INPP4B: variants seen among roughly 807,000 people sequenced by gnomAD.
INPP4B encodes inositol polyphosphate-4-phosphatase type II B.
Under a neutral mutation model 122.5 loss-of-function variants are expected in INPP4B, and 55 were observed. The ratio of observed to expected loss-of-function variants is 0.45; its 90% CI spans 0.36 to 0.56. The LOEUF is 0.56. Ranked by LOEUF, INPP4B falls within the 20% of genes least tolerant of loss-of-function variation. The probability of loss-of-function intolerance (pLI) is 0.00; values close to 1 mark genes in which losing one functional copy is unlikely to be tolerated. For synonymous variants in INPP4B, 403 were observed against 388.7 expected, an observed-to-expected ratio of 1.04 and a Z score of -0.43; for missense variants, 1,000 against 1,097.7, an observed-to-expected ratio of 0.91 and a Z score of 1.26.
intron 2 of INPP4B, among the ~76,000 whole-genome samples, chr4:142,690,469 C>T (rs571555108): frequency 5.9e-5 from 9 of 152,238 alleles, no homozygotes; most frequent in African/African-American, 2.2e-4. Flanking sequence ...GTTTTATTTG[C>T]TGCCTCCTTG....
chr4:142,533,223 T>C (rs1400554125), intron 2 of INPP4B, among the ~76,000 whole-genome samples: 2 of 152,144 alleles, frequency 1.3e-5, no homozygotes, highest in African/African-American at 2.4e-5. Flanking sequence ...GTATGCATTA[T>C]ACAAAAGACA....
chr4:142,041,264 G>T (rs183796337), intron 25 of INPP4B, among the ~76,000 whole-genome samples: 1 of 152,078 alleles, frequency 6.6e-6, no homozygotes, highest in African/African-American at 2.4e-5. Context: ...GGATTATTGT[G>T]AGAATTATGT....
At chr4:142,715,117 CA>C (rs1410694114) in intron 2 of INPP4B, among the ~76,000 whole-genome samples, 1 of 152,100 alleles carries the variant, frequency 6.6e-6, no homozygotes, top group Admixed American at 6.6e-5. Flanking sequence ...TAAGAGAGAC[CA>C]AATCCTTTTG....
At chr4:142,544,612 C>G (rs1829340781) in intron 2 of INPP4B, among the ~76,000 whole-genome samples, 1 of 152,046 alleles carries the variant, frequency 6.6e-6, no homozygotes, top group South Asian at 2.1e-4. Flanking sequence ...AACCTTCATG[C>G]TTTATATTCC....
chr4:142,505,722 C>T (rs917220528), intron 2 of INPP4B, among the ~76,000 whole-genome samples: 2 of 152,120 alleles, frequency 1.3e-5, no homozygotes, highest in East Asian at 3.9e-4. Flanking sequence ...TTTTGAGGTT[C>T]AAGCATAAGT....
At chr4:142,132,901 A>G (rs1035116448) in intron 18 of INPP4B, among the ~76,000 whole-genome samples, 1 of 152,034 alleles carries the variant, frequency 6.6e-6, no homozygotes, top group African/African-American at 2.4e-5. Context: ...GGTTGTCTCT[A>G]CTTCCTTTAC....
intron 2 of INPP4B, among the ~76,000 whole-genome samples, chr4:142,548,083 G>A (rs1476122): frequency 0.24 from 36,013 of 152,122 alleles, 5,337 homozygotes; most frequent in East Asian, 0.78. Flanking sequence ...TCTGGCCAAC[G>A]TTAAGCTTGG....
At chr4:142,375,345 T>C (rs182016349) in intron 7 of INPP4B, among the ~76,000 whole-genome samples, 11 of 151,882 alleles carry the variant, frequency 7.2e-5, no homozygotes, top group African/African-American at 2.6e-4. Flanking sequence ...TCTCCATATG[T>C]CAGTGTCAGT....
At chr4:142,480,751 AGAG>A (rs978403024) in intron 2 of INPP4B, among the ~76,000 whole-genome samples, 43 of 152,204 alleles carry the variant, frequency 2.8e-4, no homozygotes, top group Non-Finnish European at 4.4e-4. Flanking sequence ...GCTGAAGACA[AGAG>A]GATAATCAGA....
At chr4:142,059,540 C>T (rs2645790) in intron 25 of INPP4B, among the ~76,000 whole-genome samples, 126,101 of 152,090 alleles carry the variant, frequency 0.83, 53,868 homozygotes, top group Non-Finnish European at 0.92. Context: ...ATGCAAAGCA[C>T]TGTGCTTGGT....
intron 7 of INPP4B, among the ~76,000 whole-genome samples, chr4:142,342,105 C>T (rs757356330): frequency 6.6e-6 from 1 of 152,068 alleles, no homozygotes; most frequent in Non-Finnish European, 1.5e-5. Flanking sequence ...TCCTCAGATT[C>T]CTTTTGGGTA....
intron 1 of INPP4B, among the ~76,000 whole-genome samples, chr4:142,757,368 A>G (rs953417925): frequency 3.3e-5 from 5 of 152,114 alleles, no homozygotes; most frequent in African/African-American, 9.7e-5. Flanking sequence ...ATGTGATGAC[A>G]TATACCTACC....
At chr4:142,313,585 G>C (rs1766369577) in intron 8 of INPP4B, among the ~76,000 whole-genome samples, 1 of 152,166 alleles carries the variant, frequency 6.6e-6, no homozygotes, top group Non-Finnish European at 1.5e-5. Context: ...ATCTGCCTGT[G>C]TCTGTGGAGG....
intron 1 of INPP4B, among the ~76,000 whole-genome samples, chr4:142,755,065 T>C (rs1004271280): frequency 6.6e-6 from 1 of 152,072 alleles, no homozygotes; most frequent in Admixed American, 6.6e-5. Context: ...TCACAGTGAA[T>C]GGGAACTCTC....
intron 18 of INPP4B, among the ~76,000 whole-genome samples, chr4:142,136,775 C>T (rs536371276): frequency 1.3e-5 from 2 of 152,178 alleles, no homozygotes; most frequent in East Asian, 3.9e-4. Context: ...GCTTGGCAAA[C>T]AAGTGAAGTA....
chr4:142,512,185 C>T (rs1046927170), intron 2 of INPP4B, among the ~76,000 whole-genome samples: 1 of 152,094 alleles, frequency 6.6e-6, no homozygotes, highest in South Asian at 2.1e-4. Context: ...GTCTTCATAT[C>T]TTGAAATAAA....
chr4:142,734,989 T>C (rs1766645536), intron 1 of INPP4B, among the ~76,000 whole-genome samples: 1 of 152,096 alleles, frequency 6.6e-6, no homozygotes, highest in Non-Finnish European at 1.5e-5. Context: ...CAAGAAGAAA[T>C]AAAAGGAAGC....
intron 7 of INPP4B, among the ~76,000 whole-genome samples, chr4:142,399,342 G>C (rs186132738): frequency 2.6e-5 from 4 of 151,792 alleles, no homozygotes; most frequent in Non-Finnish European, 5.9e-5. Flanking sequence ...GATTACAGGC[G>C]TGTGCCACCA....
intron 2 of INPP4B, among the ~76,000 whole-genome samples, chr4:142,605,034 G>A (rs888451039): frequency 2.0e-5 from 3 of 152,074 alleles, no homozygotes; most frequent in Non-Finnish European, 4.4e-5. Flanking sequence ...TAGACAAATG[G>A]AACAGAACAG....
Sources: gnomAD v4.1 joint callset for allele counts (sites outside exome capture counted in the v4.1 genomes callset) on GRCh38, gnomAD v4.1.1 for gene constraint, MANE v1.5 for transcripts, NCBI Gene and HGNC (gene_info 2026-07-23, HGNC 2026-07-21) for gene names.